NOTCH2: variants seen among roughly 807,000 people sequenced by gnomAD.
NOTCH2 encodes neurogenic locus notch homolog protein 2.
NOTCH2 carries 29 observed loss-of-function variants against 235.8 expected under a neutral mutation model. That is an observed-to-expected ratio of 0.12 (90% CI 0.09 to 0.17). The LOEUF (loss-of-function observed/expected upper bound fraction) is 0.17. NOTCH2 is among the 10% of genes least tolerant of loss of function. The pLI is 1.00. For missense variants in NOTCH2, 2,285 were observed against 3,150.2 expected, an observed-to-expected ratio of 0.73 and a Z score of 6.57; for synonymous variants, 1,086 against 1,141.5, an observed-to-expected ratio of 0.95 and a Z score of 0.98.
chr1:119,966,328 T>C (rs587753490), intron 9 of NOTCH2, 48 bp downstream of exon 9: 2 of 1,265,436 alleles, frequency 1.6e-6, no homozygotes, highest in African/African-American at 1.5e-5. Flanking sequence ...CTGTGGTCAG[T>C]TGGCTTTGTG....
intron 22 of NOTCH2, among the ~76,000 whole-genome samples, chr1:119,931,963 T>C (rs1300568340): frequency 2.7e-5 from 4 of 147,620 alleles, no homozygotes; most frequent in African/African-American, 9.9e-5. Flanking sequence ...CAACTTAATG[T>C]GGGAAAAAAG....
chr1:120,045,676 A>G (rs1570781411), intron 1 of NOTCH2, among the ~76,000 whole-genome samples: 1 of 152,236 alleles, frequency 6.6e-6, no homozygotes, highest in South Asian at 2.1e-4. Flanking sequence ...TAATTCACAT[A>G]TATCTTCTAT....
chr1:119,928,435 A>G (rs587710290), intron 23 of NOTCH2, among the ~76,000 whole-genome samples: 1 of 152,340 alleles, frequency 6.6e-6, no homozygotes, highest in Admixed American at 6.5e-5. Flanking sequence ...TCATGGTGGC[A>G]GGAACTACCC....
At chr1:120,017,932 A>G (rs1283007348) in intron 2 of NOTCH2, among the ~76,000 whole-genome samples, 1 of 152,098 alleles carries the variant, frequency 6.6e-6, no homozygotes, top group African/African-American at 2.4e-5. Flanking sequence ...AAAATCCTAC[A>G]AAGTGGCCTC....
At chr1:119,950,637 C>T in intron 15 of NOTCH2, 87 bp downstream of exon 15, 1 of 840,214 alleles carries the variant, frequency 1.2e-6, no homozygotes, top group South Asian at 1.3e-5. Flanking sequence ...GCATTACAGC[C>T]CCACAGACCT....
chr1:119,959,242 A>G, intron 12 of NOTCH2, 150 bp downstream of exon 12: 1 of 657,010 alleles, frequency 1.5e-6, no homozygotes, highest in East Asian at 2.7e-5. Flanking sequence ...CTGTGAACAG[A>G]AAACTGATCT....
rs768047492 is a variant in NOTCH2, at chr1:119,915,724, G to A, written c.6998C>T (p.Ala2333Val). 58 of 1,607,964 alleles carry A rather than the reference G, an allele frequency of 3.6e-5. No homozygotes were observed. Among genetic ancestry groups the A allele is most frequent in the South Asian group, 7.7e-5 (7 of 90,336 alleles). Residue 2333 changes from alanine to valine, a missense_variant, in exon 34 of 34, where the codon GCG becomes GTG. Around this residue, in one of 6 missense-constraint regions of NOTCH2, gnomAD observed 504 missense variants for 538.0 expected, o/e 0.94. Coordinates refer to ENST00000256646, the MANE Select transcript of NOTCH2 (RefSeq NM_024408.4). ...CTGGTACATGGTGGGCAGGGGGCCC[G>A]CAACAGCTGGAGGGCAGGTGGACTG... ...QPQSTCPPAVAGPLPTMYQIP... is the reference protein window; with the variant it reads ...QPQSTCPPAVVGPLPTMYQIP...
rs1393501323 is a variant in NOTCH2 at position 119,913,499 on chromosome 1, G to A, written c.*1807C>T. On this transcript the variant is annotated 3_prime_UTR_variant, in exon 34 of 34. Transcript: ENST00000256646. ...CCCAGGCAGAACTTATTTTGCAGGTGTCATGGGCATCACAGCACTGGACGG... is the reference window on the plus strand; with the variant it reads ...CCCAGGCAGAACTTATTTTGCAGGTATCATGGGCATCACAGCACTGGACGG... 1 of 233,174 alleles carries A rather than the reference G, an allele frequency of 4.3e-6. No homozygotes were observed. The highest frequency in any genetic ancestry group is 8.5e-6 in the Non-Finnish European group (1 of 118,060). The allele number at this position is 233,174 out of a possible 1,614,324, so 14.4% of individuals were successfully genotyped here.
At chr1:119,986,428 G>A (rs1652020200) in intron 5 of NOTCH2, among the ~76,000 whole-genome samples, 1 of 152,044 alleles carries the variant, frequency 6.6e-6, no homozygotes, top group South Asian at 2.1e-4. Context: ...GTACAAAAAG[G>A]GATAGAAGAA....
intron 29 of NOTCH2, 99 bp downstream of exon 29, chr1:119,921,614 T>C: frequency 1.0e-6 from 1 of 956,850 alleles, no homozygotes; most frequent in Non-Finnish European, 1.7e-6. Flanking sequence ...AGACTATCAC[T>C]CTTTACTCCC....
chr1:120,058,609 T>C (rs1363342708), intron 1 of NOTCH2, among the ~76,000 whole-genome samples: 1 of 146,458 alleles, frequency 6.8e-6, no homozygotes, highest in Non-Finnish European at 1.5e-5. Flanking sequence ...TGAGGCTCCA[T>C]TTCCACCAAG....
In NOTCH2 at chr1:119,915,345, C is replaced by T. The variant is rs139658777; in HGVS notation, c.7377G>A (p.Met2459Ile). 4.4e-5 allele frequency: 71 copies of T among 1,613,852 alleles called. No individual in the cohort carries two copies. The highest frequency in any genetic ancestry group is 1.0e-4 in the Admixed American group (6 of 60,008). Residue 2459 changes from methionine to isoleucine, a missense_variant, in exon 34 of 34, where the codon ATG (methionine) becomes ATA (isoleucine). By Grantham distance (10) the Met-to-Ile change is conservative (BLOSUM62 1). Around this residue, in one of 6 missense-constraint regions of NOTCH2, gnomAD observed 504 missense variants for 538.0 expected, o/e 0.94. Transcript: ENST00000256646. ...GGGQRGPGTH[M>I]SEPPHNNMQV... The stretch of plus-strand genomic sequence containing the variant: ...GCATGTTGTTGTGTGGTGGCTCAGA[C>T]ATGTGTGTCCCAGGTCCCCGCTGAC...
intron 15 of NOTCH2, chr1:119,950,076 T>C: frequency 9.4e-6 from 2 of 212,848 alleles, no homozygotes; most frequent in Non-Finnish European, 1.9e-5. Flanking sequence ...GCAGTCACAC[T>C]CACGTCTTCT....
chr1:119,965,533 T>G lies in NOTCH2; in HGVS notation c.1601A>C (p.Asp534Ala). ...CAGACACGGAGTACTGGAACAGTCATCAATATCAATCTGGCAAACTGGCCC... is the reference window on the plus strand; with the variant it reads ...CAGACACGGAGTACTGGAACAGTCAGCAATATCAATCTGGCAAACTGGCCC... Reference protein sequence around the residue: ...FTGPVCQIDIDDCSSTPCLNG... With the variant: ...FTGPVCQIDIADCSSTPCLNG... The change falls in exon 10 of 34, where the codon GAT becomes GCT. Residue 534 changes from aspartate (D) to alanine (A), a missense_variant. By Grantham distance (126) the Asp-to-Ala change is moderately radical (BLOSUM62 -2). Coordinates refer to ENST00000256646, the MANE Select transcript of NOTCH2 (RefSeq NM_024408.4). 2.5e-6 allele frequency: 4 copies of G among 1,614,016 alleles called. No individual in the cohort carries two copies. The highest frequency in any genetic ancestry group is 3.4e-6 in the Non-Finnish European group (4 of 1,179,886).
At chr1:120,069,086 G>A (rs1167561792) in intron 1 of NOTCH2, 5 of 1,498,438 alleles carry the variant, frequency 3.3e-6, no homozygotes, top group Admixed American at 2.0e-5. Flanking sequence ...CCTCCCTCCT[G>A]CCGAGGAGGC....
In NOTCH2 at chr1:119,912,818, A is replaced by C. The variant is rs699780; in HGVS notation, c.*2488T>G. On this transcript the variant is annotated 3_prime_UTR_variant, in exon 34 of 34. Coordinates refer to ENST00000256646, the MANE Select transcript of NOTCH2 (RefSeq NM_024408.4). ...AAGAGTTCTTAAAATCTAAGAGATC[A>C]GTAAAAAGTTTGAAAGGCAGTGTTG... 1 of 233,252 alleles carries C rather than the reference A, an allele frequency of 4.3e-6. No homozygotes were observed. Among genetic ancestry groups the C allele is most frequent in the Non-Finnish European group, 8.5e-6 (1 of 117,952 alleles). The allele number at this position is 233,252 out of a possible 1,614,324, so 14.4% of individuals were successfully genotyped here. A position where few individuals can be genotyped will look rare whatever the true frequency, so the allele number is the denominator to read the frequency against.
intron 20 of NOTCH2, 119 bp downstream of exon 20, chr1:119,937,738 G>T: frequency 1.8e-6 from 2 of 1,125,906 alleles, no homozygotes; most frequent in Non-Finnish European, 2.6e-6. Context: ...CCAGAGCCCT[G>T]CCCACCCACT....
Position 119,912,879 on chromosome 1 carries a change from C to T in NOTCH2, c.*2427G>A, listed in dbSNP as rs1244219799. The stretch of plus-strand genomic sequence containing the variant: ...CACTGAAACCTGTTGTCTGTAATGA[C>T]AGCTTTCACATTCCCTTTCTCCAAA... On this transcript the variant is annotated 3_prime_UTR_variant, in exon 34 of 34. Coordinates refer to ENST00000256646, the MANE Select transcript of NOTCH2 (RefSeq NM_024408.4). 2.1e-5 allele frequency: 5 copies of T among 233,530 alleles called. No individual in the cohort carries two copies. Among genetic ancestry groups the T allele is most frequent in the African/African-American group, 8.8e-5 (4 of 45,350 alleles). 14.5% of individuals were successfully genotyped at this position (233,530 alleles called of 1,614,324 possible).
intron 1 of NOTCH2, among the ~76,000 whole-genome samples, chr1:120,039,557 C>T (rs1243235155): frequency 4.0e-5 from 6 of 151,468 alleles, no homozygotes; most frequent in South Asian, 4.2e-4. Context: ...TATAGGTGCC[C>T]GCCACCACAT....
Sources: gnomAD v4.1 joint callset for allele counts (sites outside exome capture counted in the v4.1 genomes callset) on GRCh38, gnomAD v4.1.1 for gene constraint, gnomAD v4.1.1 regional missense constraint, MANE v1.5 for transcripts, NCBI Gene and HGNC (gene_info 2026-07-23, HGNC 2026-07-21) for gene names.